The following NOP14 variants were observed in gnomAD, a reference collection of about 807,000 sequenced individuals.
NOP14 encodes the protein NOP14 nucleolar protein.
A neutral mutation model predicts 101.6 loss-of-function variants in NOP14; 57 were observed. That is an observed-to-expected ratio of 0.56 (90% confidence interval 0.45 to 0.70). NOP14 has a LOEUF of 0.70. Among genes scored for constraint, NOP14 ranks in the 30% least tolerant of loss-of-function variants. The pLI is 0.00. For missense variants in NOP14, 1,134 were observed against 1,075.5 expected (o/e 1.05, Z -0.76); for synonymous variants, 428 against 424.0 (o/e 1.01, Z -0.12).
chr4:2,943,959 G>T, intron 13 of NOP14, 114 bp downstream of exon 13: 1 of 825,010 alleles, frequency 1.2e-6, no homozygotes, highest in East Asian at 2.7e-5. Context: ...CGGGTGGCAG[G>T]TTGTGTGTTT....
chr4:2,939,288 GCCT>G lies in NOP14; in HGVS notation c.2371_2373del (p.Arg791del), dbSNP rs1713944262. ...AATTCACGCTTGTGTTTGTGGATCA[GCCT>G]CTTCCTTTCCTGTTCCTCCTTACTA... On this transcript the variant is annotated inframe_deletion, in exon 17 of 18. Transcript: ENST00000416614. 2 of 1,614,040 alleles carry G rather than the reference GCCT, an allele frequency of 1.2e-6. No homozygotes were observed. Among genetic ancestry groups the G allele is most frequent in the Non-Finnish European group, 1.7e-6 (2 of 1,180,034 alleles).
intron 3 of NOP14, among the ~76,000 whole-genome samples, chr4:2,955,662 G>A (rs979760038): frequency 2.0e-5 from 3 of 152,224 alleles, no homozygotes; most frequent in East Asian, 3.8e-4. Flanking sequence ...CTCCAGTCTC[G>A]GGGAATTAGG....
chr4:2,955,100 C>G (rs1327711001), intron 3 of NOP14, among the ~76,000 whole-genome samples: 8 of 142,718 alleles, frequency 5.6e-5, no homozygotes, highest in African/African-American at 2.1e-4. Flanking sequence ...GCCACGGCGC[C>G]CCCTCTAGTC....
intron 11 of NOP14, among the ~76,000 whole-genome samples, chr4:2,945,758 C>T (rs115230565): frequency 9.0e-4 from 137 of 152,356 alleles, no homozygotes; most frequent in African/African-American, 3.2e-3. Context: ...CCCTTAAGGA[C>T]AATACCGTGG....
chr4:2,941,629 G>C lies in NOP14; in HGVS notation c.2152C>G (p.Leu718Val). 6.2e-7 allele frequency: 1 copy of C among 1,613,426 alleles called. No homozygotes were observed. Among genetic ancestry groups the C allele is most frequent in the Non-Finnish European group, 8.5e-7 (1 of 1,179,942 alleles). Residue 718 changes from leucine (L) to valine (V), a missense_variant, in exon 15 of 18, where the codon CTC (leucine) becomes GTC (valine). By Grantham distance (32) the Leu-to-Val change is conservative. Transcript: ENST00000416614. ...FHAIMGPLQA[L>V]LTDHLADCSH... ...CAGTCCGCCAGGTGATCCGTGAGGA[G>C]GGCTTGGAGAGGCCCCATGATGGCG...
intron 1 of NOP14, among the ~76,000 whole-genome samples, chr4:2,960,688 T>TAATCACATTAATATTAATATATTAATATC (rs1715682848): frequency 3.2e-5 from 4 of 124,720 alleles, no homozygotes; most frequent in Non-Finnish European, 6.8e-5. Flanking sequence ...ATATTAATAT[T>TAATCACATTAATATTAATATATTAATATC]ATAATCACAT....
chr4:2,956,157 T>C (rs1399129691), intron 3 of NOP14, among the ~76,000 whole-genome samples: 7 of 152,256 alleles, frequency 4.6e-5, no homozygotes, highest in African/African-American at 1.7e-4. Context: ...TGTTGTTATC[T>C]ACAGATATGA....
intron 1 of NOP14, among the ~76,000 whole-genome samples, chr4:2,961,108 A>T (rs1294829525): frequency 2.0e-5 from 2 of 100,492 alleles, no homozygotes; most frequent in African/African-American, 9.9e-5. Flanking sequence ...TTAATATTTT[A>T]ATAATATATT....
chr4:2,943,812 C>T (rs146012750), intron 13 of NOP14, among the ~76,000 whole-genome samples: 11 of 152,368 alleles, frequency 7.2e-5, no homozygotes, highest in African/African-American at 2.6e-4. Context: ...GCCACTTGGG[C>T]ATATGTCACA....
intron 1 of NOP14, among the ~76,000 whole-genome samples, chr4:2,959,458 T>C (rs892099909): frequency 6.6e-6 from 1 of 151,880 alleles, no homozygotes; most frequent in African/African-American, 2.4e-5. Context: ...CCGGGTGTGG[T>C]GGCGGGCGCC....
In NOP14 at chr4:2,956,746, C is replaced by T. The variant is rs1715370734; in HGVS notation, c.396G>A (p.Gln132=). Residue 132 remains glutamine, a synonymous_variant, in exon 3 of 18, where the codon CAG becomes CAA. Transcript: ENST00000416614. The part of the protein sequence containing the change: ...NEDEELTHYG[Q]SLADIEKHND... Reference sequence around the variant, plus strand: ...TATGCTTCTCGATGTCTGCCAAAGACTGGCCATAATGAGTCAATTCTTCAT... The same window carrying T: ...TATGCTTCTCGATGTCTGCCAAAGATTGGCCATAATGAGTCAATTCTTCAT... 1 of 1,613,564 alleles carries T rather than the reference C, an allele frequency of 6.2e-7. No homozygotes were observed. The highest frequency in any genetic ancestry group is 1.1e-5 in the South Asian group (1 of 90,948).
intron 13 of NOP14, among the ~76,000 whole-genome samples, 188 bp downstream of exon 13, chr4:2,943,885 C>T (rs1447058248): frequency 2.6e-5 from 4 of 152,244 alleles, no homozygotes; most frequent in East Asian, 3.8e-4. Flanking sequence ...CACAGGTCAC[C>T]GGTAGCACTG....
intron 8 of NOP14, 21 bp from the exon 9 acceptor site, chr4:2,948,429 A>G: frequency 6.3e-7 from 1 of 1,583,464 alleles, no homozygotes; most frequent in African/African-American, 1.4e-5. Context: ...CACAAAACAT[A>G]CTGCACATTT....
chr4:2,952,520 A>G, intron 5 of NOP14, 123 bp from the exon 6 acceptor site: 1 of 837,780 alleles, frequency 1.2e-6, no homozygotes, highest in African/African-American at 1.7e-5. Flanking sequence ...GAAGTAGCTA[A>G]GCCACATCTA....
Position 2,938,750 on chromosome 4 carries a change from T to C in NOP14, c.*81A>G. On this transcript the variant is annotated 3_prime_UTR_variant, in exon 18 of 18. Coordinates refer to ENST00000416614, the MANE Select transcript of NOP14 (RefSeq NM_001291978.2). ...CTCGAACTCCTGGGCTGAAGCAATCTTCCTGCCTTGGCCTCCCAGAGGGTT... is the reference window on the plus strand; with the variant it reads ...CTCGAACTCCTGGGCTGAAGCAATCCTCCTGCCTTGGCCTCCCAGAGGGTT... The C allele has an allele frequency of 8.5e-7, 1 of 1,173,658 alleles. No homozygotes were observed. Among genetic ancestry groups the C allele is most frequent in the Non-Finnish European group, 1.2e-6 (1 of 800,726 alleles). The allele number at this position is 1,173,658 out of a possible 1,614,324, so 72.7% of individuals were successfully genotyped here. A position where few individuals can be genotyped will look rare whatever the true frequency, so the allele number is the denominator to read the frequency against.
At position 2,963,358 on chromosome 4, in the gene NOP14, A is replaced by G. The variant is rs779516905; in HGVS notation, c.-39T>C. The stretch of plus-strand genomic sequence containing the variant: ...CTGCGCCCAAGGGCCCGAGACCCGA[A>G]GAGAGACAGGCGCGCGCTACCCTAA... On this transcript the variant is annotated 5_prime_UTR_variant, in exon 1 of 18. Transcript: ENST00000416614. The G allele has an allele frequency of 2.0e-5, 30 of 1,512,422 alleles. No homozygotes were observed. The highest frequency in any genetic ancestry group is 2.6e-5 in the Admixed American group (1 of 38,398). 93.7% of individuals were successfully genotyped at this position (1,512,422 alleles called of 1,614,324 possible). A position where few individuals can be genotyped will look rare whatever the true frequency, so the allele number is the denominator to read the frequency against.
Position 2,944,130 on chromosome 4 carries a change from G to A in NOP14, c.1834C>T (p.Leu612Phe), listed in dbSNP as rs758193343. The A allele has an allele frequency of 1.9e-6, 3 of 1,613,726 alleles. No individual in the cohort carries two copies. The change falls in exon 13 of 18, where the codon CTT (leucine) becomes TTT (phenylalanine). Residue 612 changes from leucine to phenylalanine, a missense_variant. Leu to Phe is a conservative substitution (Grantham distance 22). Coordinates refer to ENST00000416614, the MANE Select transcript of NOP14 (RefSeq NM_001291978.2). The part of the protein sequence containing the change: ...VALSQRFIPE[L>F]INFLLGILYI... ...AGAATCCCAAGAAGAAAATTAATAA[G>A]CTCAGGTATAAACCTCTGGGACAAA...
chr4:2,950,876 CAGAG>C (rs10576953), intron 7 of NOP14: 6,186 of 409,052 alleles, frequency 0.015, 141 homozygotes, highest in East Asian at 0.067. Context: ...TCCTTTGAGA[CAGAG>C]AGAGAGAGTG....
chr4:2,955,859 C>G (rs568382441), intron 3 of NOP14, among the ~76,000 whole-genome samples: 4 of 152,248 alleles, frequency 2.6e-5, no homozygotes, highest in African/African-American at 4.8e-5. Flanking sequence ...GCTTGCTGCC[C>G]TAATTCCTAA....
Sources: allele counts gnomAD v4.1 joint callset (sites outside exome capture counted in the v4.1 genomes callset), GRCh38; gene constraint gnomAD v4.1.1; transcripts MANE v1.5; gene names NCBI Gene and HGNC (gene_info 2026-07-23, HGNC 2026-07-21).